ABCB4: variants seen among roughly 807,000 people sequenced by gnomAD.
ABCB4 encodes the protein ATP binding cassette subfamily B member 4.
In ABCB4, 76 loss-of-function variants were observed where a neutral mutation model predicts 145.7. That is an observed-to-expected ratio of 0.52 (90% CI 0.43 to 0.63). The LOEUF is 0.63. Ranked by LOEUF, ABCB4 falls within the 30% of genes least tolerant of loss-of-function variation. The probability of loss-of-function intolerance (pLI) is 0.00; values close to 1 mark genes in which losing one functional copy is unlikely to be tolerated. For missense variants in ABCB4, 1,234 were observed against 1,553.1 expected, an observed-to-expected ratio of 0.79 and a Z score of 3.45; for synonymous variants, 517 against 566.8, an observed-to-expected ratio of 0.91 and a Z score of 1.25.
At chr7:87,421,938 A>G (rs959354302) in intron 18 of ABCB4, among the ~76,000 whole-genome samples, 183 bp downstream of exon 18, 1 of 152,174 alleles carries the variant, frequency 6.6e-6, no homozygotes, top group African/African-American at 2.4e-5. Context: ...GTAATGTAAT[A>G]TAAGTTAGGA....
intron 26 of ABCB4, among the ~76,000 whole-genome samples, chr7:87,404,213 C>G (rs1025081443): frequency 6.6e-6 from 1 of 152,070 alleles, no homozygotes; most frequent in Non-Finnish European, 1.5e-5. Flanking sequence ...CTAACTATAG[C>G]AGAAAATAAA....
At chr7:87,416,268 A>T (rs31662) in intron 21 of ABCB4, among the ~76,000 whole-genome samples, 1 of 152,052 alleles carries the variant, frequency 6.6e-6, no homozygotes, top group Non-Finnish European at 1.5e-5. Flanking sequence ...AAACATGGTT[A>T]GTCCGAATGT....
At chr7:87,398,842 GCTC>G (rs1807645665), downstream of ABCB4, 1 of 576,196 alleles carries the variant, frequency 1.7e-6, no homozygotes, top group Non-Finnish European at 3.0e-6. Flanking sequence ...ATATTTTTAA[GCTC>G]CTCTGATGCA....
rs757626981 is a variant in ABCB4, at chr7:87,408,198, C to T, written c.3118G>A (p.Val1040Met). The change falls in exon 25 of 28, where the codon GTG becomes ATG. Residue 1040 changes from valine (V) to methionine (M), a missense_variant. Coordinates refer to ENST00000649586, the MANE Select transcript of ABCB4 (RefSeq NM_000443.4). ...TTTGCTCGGGTGGGATAGTTGAACA[C>T]GACTTCATTAAATGTTATATTTCCT... ...FEGNITFNEV[V>M]FNYPTRANVP... 10 of 1,614,120 alleles carry T rather than the reference C, an allele frequency of 6.2e-6. No individual in the cohort carries two copies. The highest frequency in any genetic ancestry group is 3.3e-5 in the Admixed American group (2 of 60,016).
At chr7:87,385,331 G>A in the ABCB4 span, among the ~76,000 whole-genome samples, 1 of 151,964 alleles carries the variant, frequency 6.6e-6, no homozygotes, top group East Asian at 1.9e-4. Flanking sequence ...AATGAACATA[G>A]GTTGTCTTTC....
chr7:87,368,082 T>G, the ABCB4 span, among the ~76,000 whole-genome samples: 6 of 152,318 alleles, frequency 3.9e-5, no homozygotes, highest in Middle Eastern at 3.4e-3. Flanking sequence ...TCTATCCTTT[T>G]CTCTGTGCCG....
At position 87,449,064 on chromosome 7, in the gene ABCB4, C is replaced by T. The variant is rs148954656; in HGVS notation, c.833+904G>A. ...ATCCCCAAACTCATTGAGATATACA[C>T]ACTAAAGATGTATACACAGCTTTTC... On this transcript the variant is annotated intron_variant, in intron 8 of 27. Coordinates refer to ENST00000649586, the MANE Select transcript of ABCB4 (RefSeq NM_000443.4). Among the ~76,000 whole-genome samples, 373 of 152,290 alleles carry T rather than the reference C, an allele frequency of 2.4e-3. 1 individual carries two copies. The highest frequency in any genetic ancestry group is 4.6e-3 in the Admixed American group (71 of 15,306).
At chr7:87,464,086 A>G (rs1160611673) in intron 3 of ABCB4, among the ~76,000 whole-genome samples, 1 of 152,116 alleles carries the variant, frequency 6.6e-6, no homozygotes, top group Non-Finnish European at 1.5e-5. Context: ...TTTTGGGGAC[A>G]AAGAACAGTT....
At chr7:87,375,163 AT>A in the ABCB4 span, 53 of 153,134 alleles carry the variant, frequency 3.5e-4, no homozygotes, top group African/African-American at 8.3e-4. Flanking sequence ...TGGTATTTCT[AT>A]TTTTTTTTGG....
intron 8 of ABCB4, among the ~76,000 whole-genome samples, chr7:87,448,456 A>G (rs1811490868): frequency 6.6e-6 from 1 of 152,192 alleles, no homozygotes; most frequent in Admixed American, 6.5e-5. Context: ...GGCTGCATTC[A>G]TAGAGCACAG....
chr7:87,412,022 T>C lies in ABCB4; in HGVS notation c.2795A>G (p.Gln932Arg). The C allele has an allele frequency of 1.2e-6, 2 of 1,613,770 alleles. No homozygotes were observed. Among genetic ancestry groups the C allele is most frequent in the South Asian group, 1.1e-5 (1 of 91,072 alleles). The change falls in exon 23 of 28, where the codon CAG (glutamine) becomes CGG (arginine). Residue 932 changes from glutamine (Q) to arginine (R), a missense_variant. By Grantham distance (43) the Gln-to-Arg change is conservative. This residue lies in a region of ABCB4 where 301 missense variants were observed against 389.0 expected (regional missense o/e 0.77). Coordinates refer to ENST00000649586, the MANE Select transcript of ABCB4 (RefSeq NM_000443.4). The part of the protein sequence containing the change: ...KLYGPYRNSV[Q>R]KAHIYGITFS... Reference sequence around the variant, plus strand: ...AGTAATTCCATAGATGTGTGCCTTCTGCACAGAATTCCTGAAAAGCAAATC... The same window carrying C: ...AGTAATTCCATAGATGTGTGCCTTCCGCACAGAATTCCTGAAAAGCAAATC...
chr7:87,380,083 C>T, the ABCB4 span, among the ~76,000 whole-genome samples: 2 of 152,084 alleles, frequency 1.3e-5, no homozygotes, highest in African/African-American at 4.8e-5. Flanking sequence ...TGCACTCCCA[C>T]CCAGGCAACA....
intron 26 of ABCB4, chr7:87,406,074 T>C (rs1302930154): frequency 5.0e-6 from 3 of 601,798 alleles, no homozygotes; most frequent in Non-Finnish European, 8.9e-6. Flanking sequence ...ACCTGAAGTA[T>C]GGTGGTTTTG....
In ABCB4 at chr7:87,403,257, T is replaced by C; in HGVS notation, c.3511A>G (p.Lys1171Glu). The change falls in exon 27 of 28, where the codon AAG becomes GAG. Residue 1171 changes from lysine to glutamate, a missense_variant. Physicochemically the swap from Lys to Glu is moderately conservative, Grantham distance 56. Coordinates refer to ENST00000649586, the MANE Select transcript of ABCB4 (RefSeq NM_000443.4). ...TGACCTCCTGAGAGCTGAGTCCCCTTATCTCCCACTCTTGTTTCATATTTC... is the reference window on the plus strand; with the variant it reads ...TGACCTCCTGAGAGCTGAGTCCCCTCATCTCCCACTCTTGTTTCATATTTC... The part of the protein sequence containing the change: ...PHKYETRVGD[K>E]GTQLSGGQKQ... The C allele has an allele frequency of 6.2e-7, 1 of 1,613,864 alleles. No individual in the cohort carries two copies. The highest frequency in any genetic ancestry group is 1.3e-5 in the African/African-American group (1 of 75,046).
Position 87,471,376 on chromosome 7 carries a change from T to TA in ABCB4, c.135+1244dup, listed in dbSNP as rs1813386345. The stretch of plus-strand genomic sequence containing the variant: ...ACTTAAAGTATAATTTAAACAAATT[T>TA]AAAAAAATAAAGAAAAAAAAACTTC... On this transcript the variant is annotated intron_variant, in intron 3 of 27. Coordinates refer to ENST00000649586, the MANE Select transcript of ABCB4 (RefSeq NM_000443.4). 2.6e-5 allele frequency among the ~76,000 whole-genome samples: 4 copies of TA among 151,768 alleles called. No individual in the cohort carries two copies. In the South Asian group the frequency reaches 8.3e-4, roughly 32 times the overall value.
chr7:87,417,633 T>C, intron 20 of ABCB4, 118 bp from the exon 21 acceptor site: 1 of 809,024 alleles, frequency 1.2e-6, no homozygotes, highest in African/African-American at 1.7e-5. Flanking sequence ...ATTGGCTTAC[T>C]TTCATTACAA....
intron 3 of ABCB4, among the ~76,000 whole-genome samples, chr7:87,471,591 T>C (rs1813403534): frequency 6.6e-6 from 1 of 152,196 alleles, no homozygotes; most frequent in Non-Finnish European, 1.5e-5. Flanking sequence ...TTTTGGTGTC[T>C]TTTTATCCAT....
intron 4 of ABCB4, among the ~76,000 whole-genome samples, chr7:87,460,897 G>A (rs925541341): frequency 2.0e-5 from 3 of 151,984 alleles, no homozygotes; most frequent in Non-Finnish European, 4.4e-5. Flanking sequence ...TTAATATGTT[G>A]TAGATCTGTA....
chr7:87,413,579 A>G (rs1398881874), intron 22 of ABCB4, 38 bp downstream of exon 22: 1 of 1,261,220 alleles, frequency 7.9e-7, no homozygotes, highest in Non-Finnish European at 1.2e-6. Flanking sequence ...GCCTTAGGAA[A>G]GCACTAGGTT....
Sources: allele counts gnomAD v4.1 joint callset (sites outside exome capture counted in the v4.1 genomes callset), GRCh38; gene constraint gnomAD v4.1.1; regional missense constraint gnomAD v4.1.1; transcripts MANE v1.5; gene names NCBI Gene and HGNC (gene_info 2026-07-23, HGNC 2026-07-21).